Variants in KCNMB2 observed in about 807,000 individuals in gnomAD.
KCNMB2 encodes the protein calcium-activated potassium channel subunit beta-2.
KCNMB2 carries 9 observed loss-of-function variants against 24.5 expected under a neutral mutation model. The observed-to-expected ratio is 0.37, with a 90% CI of 0.22 to 0.64. KCNMB2 has a LOEUF of 0.64. KCNMB2 is among the 30% of genes least tolerant of loss of function. KCNMB2 has a pLI of 0.63. For missense variants in KCNMB2, 226 were observed against 284.3 expected (o/e 0.79, Z 1.47); for synonymous variants, 109 against 104.4 (o/e 1.04, Z -0.27).
chr3:178,774,623 G>A (rs1040352101), intron 1 of KCNMB2, among the ~76,000 whole-genome samples: 1 of 152,144 alleles, frequency 6.6e-6, no homozygotes, highest in African/African-American at 2.4e-5. Flanking sequence ...TGTAACAGAA[G>A]CCAGGAAAAG....
intron 1 of KCNMB2, among the ~76,000 whole-genome samples, chr3:178,659,743 C>T (rs1203324143): frequency 6.6e-6 from 1 of 152,152 alleles, no homozygotes; most frequent in Non-Finnish European, 1.5e-5. Flanking sequence ...ACTCCTATTT[C>T]ATATGAAAGT....
At chr3:178,825,458 A>G (rs1714796305) in intron 2 of KCNMB2, 130 bp from the exon 3 acceptor site, 1 of 644,410 alleles carries the variant, frequency 1.6e-6, no homozygotes, top group Non-Finnish European at 2.7e-6. Context: ...TAGTGGACAC[A>G]CACTGAGGTC....
At chr3:178,612,093 G>C (rs1426671658) in intron 1 of KCNMB2, among the ~76,000 whole-genome samples, 1 of 151,986 alleles carries the variant, frequency 6.6e-6, no homozygotes, top group Non-Finnish European at 1.5e-5. Context: ...TTCTAGTTTA[G>C]TTTCATTGTG....
intron 1 of KCNMB2, among the ~76,000 whole-genome samples, chr3:178,789,921 C>G (rs1474753031): frequency 1.3e-5 from 2 of 151,920 alleles, no homozygotes; most frequent in East Asian, 1.9e-4. Flanking sequence ...GAGACACCAT[C>G]CGGGGCAACT....
At chr3:178,546,088 T>C (rs1176511507) in intron 1 of KCNMB2, among the ~76,000 whole-genome samples, 1 of 152,150 alleles carries the variant, frequency 6.6e-6, no homozygotes, top group African/African-American at 2.4e-5. Context: ...AAAAGAAAAG[T>C]TGACAGAGAA....
intron 1 of KCNMB2, among the ~76,000 whole-genome samples, chr3:178,738,833 T>C (rs944993490): frequency 2.0e-5 from 3 of 152,154 alleles, no homozygotes; most frequent in African/African-American, 7.2e-5. Flanking sequence ...CTATAGTTTG[T>C]AATAACATAC....
At chr3:178,790,369 T>C (rs1713273840) in intron 1 of KCNMB2, among the ~76,000 whole-genome samples, 1 of 151,840 alleles carries the variant, frequency 6.6e-6, no homozygotes, top group Non-Finnish European at 1.5e-5. Context: ...ACTTCTTCTG[T>C]TGAGGAAAGG....
intron 1 of KCNMB2, among the ~76,000 whole-genome samples, chr3:178,620,578 T>G (rs944450300): frequency 3.9e-5 from 6 of 152,334 alleles, no homozygotes; most frequent in Middle Eastern, 3.4e-3. Context: ...AAGAATGAGC[T>G]AATTCTATGA....
chr3:178,544,390 T>C (rs937852662), intron 1 of KCNMB2, among the ~76,000 whole-genome samples: 1 of 152,146 alleles, frequency 6.6e-6, no homozygotes, highest in East Asian at 1.9e-4. Flanking sequence ...CTAAAGCACA[T>C]GGTGGGACCT....
chr3:178,629,136 C>G (rs1719223125), intron 1 of KCNMB2, among the ~76,000 whole-genome samples: 1 of 152,140 alleles, frequency 6.6e-6, no homozygotes, highest in African/African-American at 2.4e-5. Context: ...TCCCGGTTAG[C>G]TTTCCAAACT....
intron 1 of KCNMB2, among the ~76,000 whole-genome samples, chr3:178,657,866 A>G (rs1201426484): frequency 6.6e-6 from 1 of 152,220 alleles, no homozygotes; most frequent in East Asian, 1.9e-4. Context: ...ACCCACTTTC[A>G]TGGTAACTAA....
At chr3:178,708,734 C>T (rs1186610790) in intron 1 of KCNMB2, among the ~76,000 whole-genome samples, 3 of 152,068 alleles carry the variant, frequency 2.0e-5, no homozygotes, top group East Asian at 1.9e-4. Flanking sequence ...AACACAATTC[C>T]TATTATTATT....
chr3:178,796,614 T>C (rs4404431), intron 1 of KCNMB2, among the ~76,000 whole-genome samples: 29,307 of 151,976 alleles, frequency 0.19, 3,086 homozygotes, highest in Middle Eastern at 0.27. Context: ...TCGGAAACTA[T>C]ACAAATGTAT....
chr3:178,554,673 A>T (rs1716066097), intron 1 of KCNMB2, among the ~76,000 whole-genome samples: 2 of 152,162 alleles, frequency 1.3e-5, no homozygotes, highest in Admixed American at 6.5e-5. Flanking sequence ...AAAATAAAGA[A>T]CTCAAGTTTG....
chr3:178,592,119 C>T (rs1717697365), intron 1 of KCNMB2, among the ~76,000 whole-genome samples: 1 of 151,966 alleles, frequency 6.6e-6, no homozygotes, highest in South Asian at 2.1e-4. Flanking sequence ...TATTGCTTTC[C>T]ATAGGATTTT....
At chr3:178,734,631 GC>G (rs1723259915) in intron 1 of KCNMB2, among the ~76,000 whole-genome samples, 1 of 152,172 alleles carries the variant, frequency 6.6e-6, no homozygotes, top group South Asian at 2.1e-4. Context: ...GAAACCACTT[GC>G]CTGTGTTCAA....
intron 1 of KCNMB2, among the ~76,000 whole-genome samples, chr3:178,722,459 G>A (rs1021687129): frequency 1.4e-4 from 21 of 152,200 alleles, no homozygotes; most frequent in African/African-American, 4.1e-4. Context: ...GCAAGAGGGT[G>A]AGAGAGGATA....
chr3:178,744,059 A>G (rs1273829536), intron 1 of KCNMB2, among the ~76,000 whole-genome samples: 3 of 152,202 alleles, frequency 2.0e-5, no homozygotes, highest in Non-Finnish European at 4.4e-5. Context: ...TAGAAGTTAA[A>G]TCTTTTTTTA....
intron 1 of KCNMB2, among the ~76,000 whole-genome samples, chr3:178,634,299 G>A (rs934439784): frequency 6.6e-6 from 1 of 151,998 alleles, no homozygotes; most frequent in Non-Finnish European, 1.5e-5. Context: ...GTATTAGTCC[G>A]TTCTCACACT....
Sources: gnomAD v4.1 joint callset for allele counts (sites outside exome capture counted in the v4.1 genomes callset) on GRCh38, gnomAD v4.1.1 for gene constraint, MANE v1.5 for transcripts, NCBI Gene and HGNC (gene_info 2026-07-23, HGNC 2026-07-21) for gene names.